Variants in PLEKHA7 observed in about 807,000 individuals in gnomAD.
The protein encoded by PLEKHA7 is pleckstrin homology domain containing A7.
PLEKHA7 carries 104 observed loss-of-function variants against 170.0 expected under a neutral mutation model. The observed-to-expected ratio is 0.61, with a 90% CI of 0.52 to 0.72. The LOEUF (loss-of-function observed/expected upper bound fraction) is 0.72. PLEKHA7 is among the 30% of genes least tolerant of loss of function. PLEKHA7 has a pLI of 0.00. For synonymous variants in PLEKHA7, 648 were observed against 660.8 expected (o/e 0.98, Z 0.30); for missense variants, 1,615 against 1,671.7 (o/e 0.97, Z 0.59).
At chr11:16,832,404 T>C (rs1851187472) in intron 9 of PLEKHA7, among the ~76,000 whole-genome samples, 1 of 152,226 alleles carries the variant, frequency 6.6e-6, no homozygotes, top group Non-Finnish European at 1.5e-5. Flanking sequence ...GAGCAAATTC[T>C]TATTTTCCCT....
chr11:16,793,605 C>T (rs914753969), intron 19 of PLEKHA7, among the ~76,000 whole-genome samples: 3 of 152,246 alleles, frequency 2.0e-5, no homozygotes, highest in African/African-American at 4.8e-5. Context: ...GGCCCCATTC[C>T]GAGGTCCACT....
intron 3 of PLEKHA7, among the ~76,000 whole-genome samples, chr11:16,962,363 A>G (rs1862115333): frequency 6.6e-6 from 1 of 152,188 alleles, no homozygotes; most frequent in South Asian, 2.1e-4. Flanking sequence ...TAAGTGCCCA[A>G]TATCTTTCCA....
At chr11:16,915,235 C>A (rs1858550745) in intron 3 of PLEKHA7, among the ~76,000 whole-genome samples, 2 of 152,240 alleles carry the variant, frequency 1.3e-5, no homozygotes, top group Admixed American at 1.3e-4. Context: ...AGGCTGGCCT[C>A]TTATCTCCTT....
At chr11:16,822,266 C>T (rs1850280576) in intron 10 of PLEKHA7, among the ~76,000 whole-genome samples, 1 of 152,100 alleles carries the variant, frequency 6.6e-6, no homozygotes, top group South Asian at 2.1e-4. Context: ...TTCTCACTGG[C>T]CATGCCGTCT....
intron 3 of PLEKHA7, among the ~76,000 whole-genome samples, chr11:16,960,514 CAG>C (rs1861989913): frequency 6.6e-6 from 1 of 152,156 alleles, no homozygotes; most frequent in Non-Finnish European, 1.5e-5. Flanking sequence ...CAGAAGGTCA[CAG>C]ATGAGGCAAG....
intron 9 of PLEKHA7, among the ~76,000 whole-genome samples, chr11:16,828,768 G>A (rs1850865793): frequency 6.6e-6 from 1 of 152,170 alleles, no homozygotes; most frequent in Admixed American, 6.5e-5. Flanking sequence ...GTCCAGCTGA[G>A]GCTCCACAGT....
intron 3 of PLEKHA7, among the ~76,000 whole-genome samples, chr11:17,004,176 T>C (rs1228037544): frequency 1.3e-5 from 2 of 152,194 alleles, no homozygotes; most frequent in Non-Finnish European, 2.9e-5. Flanking sequence ...TCTCAATTAA[T>C]TTTAGTCTGT....
At chr11:16,875,973 G>A (rs537052051) in intron 3 of PLEKHA7, among the ~76,000 whole-genome samples, 14 of 151,840 alleles carry the variant, frequency 9.2e-5, no homozygotes, top group Non-Finnish European at 2.1e-4. Context: ...TGTGTTCCCC[G>A]CACACCACCA....
intron 3 of PLEKHA7, among the ~76,000 whole-genome samples, chr11:16,952,876 A>G (rs1861491454): frequency 6.6e-6 from 1 of 152,264 alleles, no homozygotes; most frequent in Non-Finnish European, 1.5e-5. Flanking sequence ...CAAGAGAACA[A>G]AGCCTCTATG....
At chr11:16,865,723 T>C (rs1263034474) in intron 4 of PLEKHA7, among the ~76,000 whole-genome samples, 7 of 152,080 alleles carry the variant, frequency 4.6e-5, no homozygotes, top group Non-Finnish European at 7.4e-5. Context: ...ATGAGCACTC[T>C]AGTCATACAG....
chr11:16,962,375 C>T (rs1305029362), intron 3 of PLEKHA7, among the ~76,000 whole-genome samples: 4 of 152,200 alleles, frequency 2.6e-5, no homozygotes, highest in Non-Finnish European at 2.9e-5. Context: ...ATCTTTCCAC[C>T]GTGGTTATTA....
chr11:16,930,055 G>T (rs1240156605), intron 3 of PLEKHA7, among the ~76,000 whole-genome samples: 1 of 152,048 alleles, frequency 6.6e-6, no homozygotes, highest in East Asian at 1.9e-4. Context: ...GATATTTTGG[G>T]GAGCAGGGAG....
chr11:16,944,354 C>A (rs1031003017), intron 3 of PLEKHA7, among the ~76,000 whole-genome samples: 2 of 143,104 alleles, frequency 1.4e-5, no homozygotes, highest in Non-Finnish European at 3.1e-5. Context: ...AACTCCGTCT[C>A]CCAAAAAATA....
At position 16,944,075 on chromosome 11, in the gene PLEKHA7, C is replaced by T. The variant is rs149346269; in HGVS notation, c.221+69914G>A. ...CCACCTTGAAAGAATTAAAGTGGGCCGGGTGCGGTGGCTCACACCTGAAAT... is the reference window on the plus strand; with the variant it reads ...CCACCTTGAAAGAATTAAAGTGGGCTGGGTGCGGTGGCTCACACCTGAAAT... On this transcript the variant is annotated intron_variant, in intron 3 of 26. Coordinates refer to ENST00000531066, the MANE Select transcript of PLEKHA7 (RefSeq NM_001329630.2). Among the ~76,000 whole-genome samples, 1,191 of 152,142 alleles carry T rather than the reference C, an allele frequency of 7.8e-3. 17 individuals carry two copies. Among genetic ancestry groups the T allele is most frequent in the African/African-American group, 0.027 (1,126 of 41,502 alleles).
At chr11:16,884,190 C>T (rs1176030301) in intron 3 of PLEKHA7, among the ~76,000 whole-genome samples, 1 of 152,180 alleles carries the variant, frequency 6.6e-6, no homozygotes, top group African/African-American at 2.4e-5. Flanking sequence ...GATCCACAGG[C>T]CCATCCCATA....
At chr11:16,921,664 G>A (rs920326325) in intron 3 of PLEKHA7, among the ~76,000 whole-genome samples, 3 of 152,216 alleles carry the variant, frequency 2.0e-5, no homozygotes, top group Non-Finnish European at 2.9e-5. Flanking sequence ...TTAATGAAAT[G>A]TGGACAATAA....
intron 3 of PLEKHA7, among the ~76,000 whole-genome samples, chr11:16,907,213 G>A (rs1857841646): frequency 8.7e-6 from 1 of 114,324 alleles, no homozygotes; most frequent in African/African-American, 4.9e-5. Flanking sequence ...GGGAGGTGGG[G>A]GGGTCATCCC....
intron 8 of PLEKHA7, among the ~76,000 whole-genome samples, chr11:16,842,758 A>C (rs1343314558): frequency 6.6e-6 from 1 of 152,172 alleles, no homozygotes; most frequent in Non-Finnish European, 1.5e-5. Flanking sequence ...CACCAAATCT[A>C]CATAAGAAGA....
intron 3 of PLEKHA7, among the ~76,000 whole-genome samples, chr11:17,000,765 G>A (rs1189293672): frequency 6.6e-6 from 1 of 152,208 alleles, no homozygotes; most frequent in Non-Finnish European, 1.5e-5. Context: ...AAGACACAGA[G>A]AGGTTCAAGT....
Sources: gnomAD v4.1 joint callset for allele counts (sites outside exome capture counted in the v4.1 genomes callset) on GRCh38, gnomAD v4.1.1 for gene constraint, MANE v1.5 for transcripts, NCBI Gene and HGNC (gene_info 2026-07-23, HGNC 2026-07-21) for gene names.